Variants in SLC22A23 observed in about 807,000 individuals in gnomAD.
SLC22A23 encodes ion transporter protein.
Under a neutral mutation model 61.0 loss-of-function variants are expected in SLC22A23, and 26 were observed. The ratio of observed to expected loss-of-function variants is 0.43; its 90% CI spans 0.31 to 0.59. The LOEUF (loss-of-function observed/expected upper bound fraction) is 0.59, where lower values mean the gene tolerates loss of function less well. SLC22A23 is among the 20% of genes least tolerant of loss of function. The probability of loss-of-function intolerance (pLI) is 0.11; values close to 1 mark genes in which losing one functional copy is unlikely to be tolerated. For synonymous variants in SLC22A23, 430 were observed against 413.9 expected, an observed-to-expected ratio of 1.04 and a Z score of -0.47; for missense variants, 796 against 934.7, an observed-to-expected ratio of 0.85 and a Z score of 1.94.
intron 3 of SLC22A23, among the ~76,000 whole-genome samples, chr6:3,408,000 G>A (rs1378466115): frequency 6.6e-6 from 1 of 152,194 alleles, no homozygotes; most frequent in African/African-American, 2.4e-5. Flanking sequence ...ATGGCCCACT[G>A]GCCAAATTTG....
At chr6:3,352,209 A>G (rs1764810427) in intron 3 of SLC22A23, among the ~76,000 whole-genome samples, 1 of 152,124 alleles carries the variant, frequency 6.6e-6, no homozygotes, top group Non-Finnish European at 1.5e-5. Flanking sequence ...TCTGACAGTG[A>G]AAACCACGTA....
At chr6:3,418,769 G>C (rs1446346373) in intron 1 of SLC22A23, among the ~76,000 whole-genome samples, 1 of 152,198 alleles carries the variant, frequency 6.6e-6, no homozygotes, top group African/African-American at 2.4e-5. Context: ...GGCCCAGCAA[G>C]TTTACCATGA....
chr6:3,446,495 T>C (rs1771902292), intron 1 of SLC22A23, among the ~76,000 whole-genome samples: 1 of 152,182 alleles, frequency 6.6e-6, no homozygotes, highest in Non-Finnish European at 1.5e-5. Flanking sequence ...GGAAACTTAA[T>C]TAGCATCCTC....
intron 3 of SLC22A23, among the ~76,000 whole-genome samples, chr6:3,405,268 A>T (rs7744384): frequency 0.4 from 59,576 of 148,302 alleles, 12,721 homozygotes; most frequent in African/African-American, 0.58. Flanking sequence ...CAAAAAATTT[A>T]AAAAAAAAAA....
intron 3 of SLC22A23, among the ~76,000 whole-genome samples, chr6:3,391,903 G>C (rs1031248045): frequency 6.6e-6 from 1 of 152,148 alleles, no homozygotes; most frequent in African/African-American, 2.4e-5. Flanking sequence ...GGAAAGGTGA[G>C]TACAAAGGAA....
chr6:3,301,548 CG>C lies in SLC22A23; in HGVS notation c.1083-3331del, dbSNP rs1402740136. The stretch of plus-strand genomic sequence containing the variant: ...AAAATTTATTTATATCAAACGCTTA[CG>C]GAACTCCATGGCAGGAAATGGATTT... On this transcript the variant is annotated intron_variant, in intron 4 of 9. Coordinates refer to ENST00000406686, the MANE Select transcript of SLC22A23 (RefSeq NM_015482.2). 2.0e-5 allele frequency among the ~76,000 whole-genome samples: 3 copies of C among 152,270 alleles called. No homozygotes were observed. The East Asian group carries it at 5.8e-4, about 29-fold the overall frequency.
chr6:3,284,343 G>A lies in SLC22A23; in HGVS notation c.1580-368C>T, dbSNP rs141535352. 3.1e-3 allele frequency among the ~76,000 whole-genome samples: 471 copies of A among 152,322 alleles called. 3 individuals carry two copies. Among genetic ancestry groups the A allele is most frequent in the African/African-American group, 0.011 (453 of 41,584 alleles). The stretch of plus-strand genomic sequence containing the variant: ...TCCAGTCAGGTCTGATGTGCCCAAC[G>A]TGTGGGACAGGGTAGCTGAGTCAGG... On this transcript the variant is annotated intron_variant, in intron 8 of 9. Transcript: ENST00000406686.
At chr6:3,287,126 G>T (rs764508070) in intron 6 of SLC22A23, 35 bp from the exon 7 acceptor site, 7 of 1,598,266 alleles carry the variant, frequency 4.4e-6, no homozygotes, top group Non-Finnish European at 4.3e-6. Flanking sequence ...TGGGTGGGCT[G>T]CCCCCATGCC....
At chr6:3,284,352 A>G (rs1368922385) in intron 8 of SLC22A23, among the ~76,000 whole-genome samples, 3 of 152,242 alleles carry the variant, frequency 2.0e-5, no homozygotes, top group Non-Finnish European at 2.9e-5. Flanking sequence ...CGTGTGGGAC[A>G]GGGTAGCTGA....
intron 1 of SLC22A23, among the ~76,000 whole-genome samples, chr6:3,428,490 C>T (rs776120966): frequency 2.6e-5 from 4 of 152,100 alleles, no homozygotes; most frequent in Non-Finnish European, 5.9e-5. Flanking sequence ...CTTGGCTTTG[C>T]GTAACAAGCC....
chr6:3,272,284 C>T lies in SLC22A23; in HGVS notation c.*771G>A, dbSNP rs1021398795. ...AGAGGAGGAATAAAAACGAGCACATCTCAGGTCTCGACGCATCTGTTAGCT... is the reference window on the plus strand; with the variant it reads ...AGAGGAGGAATAAAAACGAGCACATTTCAGGTCTCGACGCATCTGTTAGCT... On this transcript the variant is annotated 3_prime_UTR_variant, in exon 10 of 10. Coordinates refer to ENST00000406686, the MANE Select transcript of SLC22A23 (RefSeq NM_015482.2). The T allele has an allele frequency of 3.9e-5, 6 of 152,736 alleles. No individual in the cohort carries two copies. The highest frequency in any genetic ancestry group is 1.4e-4 in the African/African-American group (6 of 41,414). The allele number at this position is 152,736 out of a possible 1,614,324, so 9.5% of individuals were successfully genotyped here. A position where few individuals can be genotyped will look rare whatever the true frequency, so the allele number is the denominator to read the frequency against.
At chr6:3,450,228 A>T (rs1772098176) in intron 1 of SLC22A23, among the ~76,000 whole-genome samples, 1 of 152,266 alleles carries the variant, frequency 6.6e-6, no homozygotes. Flanking sequence ...AAAAATAGAT[A>T]TGCATGAAGA....
rs940834710 is a variant in SLC22A23, at chr6:3,324,857, G to A, written c.914-855C>T. On this transcript the variant is annotated intron_variant, in intron 3 of 9. Transcript: ENST00000406686. The surrounding 1 kb of genome is among the most constrained non-coding windows in gnomAD (Gnocchi z 4.3). ...TTGCAAGAATCTATTCTTTTACTTT[G>A]ACCTTGAGTCAAAAAGATGATCAGA... 1.3e-5 allele frequency among the ~76,000 whole-genome samples: 2 copies of A among 152,160 alleles called. No individual in the cohort carries two copies. Among genetic ancestry groups the A allele is most frequent in the African/African-American group, 4.8e-5 (2 of 41,428 alleles).
At chr6:3,373,953 G>A (rs916420304) in intron 3 of SLC22A23, among the ~76,000 whole-genome samples, 11 of 152,188 alleles carry the variant, frequency 7.2e-5, no homozygotes, top group African/African-American at 2.7e-4. Context: ...AACCTTGGGA[G>A]GCAGGTACTT....
At chr6:3,311,600 G>A (rs958932517) in intron 4 of SLC22A23, 1 of 152,130 alleles carries the variant, frequency 6.6e-6, no homozygotes, top group African/African-American at 2.4e-5. Context: ...GTAGAGAGAT[G>A]GGATGAGTAT....
intron 3 of SLC22A23, among the ~76,000 whole-genome samples, chr6:3,407,192 T>G (rs1174381337): frequency 6.6e-6 from 1 of 152,262 alleles, no homozygotes; most frequent in Non-Finnish European, 1.5e-5. Context: ...AACTTCCCTT[T>G]AGAGTTAAGA....
intron 4 of SLC22A23, among the ~76,000 whole-genome samples, chr6:3,305,992 T>A (rs934742301): frequency 5.3e-5 from 8 of 152,324 alleles, no homozygotes; most frequent in Non-Finnish European, 1.0e-4. Flanking sequence ...GGGTCATTTA[T>A]GAAGAAAAGA....
At chr6:3,444,859 A>C in intron 1 of SLC22A23, 1 of 985,588 alleles carries the variant, frequency 1.0e-6, no homozygotes, top group Non-Finnish European at 1.2e-6. Context: ...AAGGCGGCAG[A>C]CACCTGGCAG....
rs988808147 is a variant in SLC22A23, at chr6:3,317,201, G to A, written c.1082+6633C>T. Reference sequence around the variant, plus strand: ...TTACCTTCCTGATCTTCCATGCTGCGGTTTTCTAGGATGTTCTAACGTAAC... The same window carrying A: ...TTACCTTCCTGATCTTCCATGCTGCAGTTTTCTAGGATGTTCTAACGTAAC... On this transcript the variant is annotated intron_variant, in intron 4 of 9. Transcript: ENST00000406686. The surrounding 1 kb of genome is among the most constrained non-coding windows in gnomAD (Gnocchi z 4.4). Among the ~76,000 whole-genome samples the A allele has an allele frequency of 2.6e-5, 4 of 152,164 alleles. No homozygotes were observed. The highest frequency in any genetic ancestry group is 7.2e-5 in the African/African-American group (3 of 41,428).
Sources: gnomAD v4.1 joint callset for allele counts (sites outside exome capture counted in the v4.1 genomes callset) on GRCh38, gnomAD v4.1.1 for gene constraint, Gnocchi (gnomAD v3.1) non-coding constraint, MANE v1.5 for transcripts, NCBI Gene and HGNC (gene_info 2026-07-23, HGNC 2026-07-21) for gene names.